Variants in SLC4A7 observed in about 807,000 individuals in gnomAD.
SLC4A7 encodes the protein solute carrier family 4 member 7, also known as sodium bicarbonate cotransporter 3.
In SLC4A7, 51 loss-of-function variants were observed where a neutral mutation model predicts 137.6. The observed-to-expected ratio is 0.37, with a 90% CI of 0.30 to 0.47. SLC4A7 has a LOEUF of 0.47. SLC4A7 is among the 20% of genes least tolerant of loss of function. The pLI is 1.00. For missense variants in SLC4A7, 1,247 were observed against 1,525.4 expected, an observed-to-expected ratio of 0.82 and a Z score of 3.04; for synonymous variants, 542 against 518.6, an observed-to-expected ratio of 1.05 and a Z score of -0.61.
chr3:27,421,574 T>C lies in SLC4A7; in HGVS notation c.1424+48A>G, dbSNP rs143216192. Reference sequence around the variant, plus strand: ...GTTCATTCGCTGGATTAAAAACTTGTAGATTTTGAAAATGCTTAGAGAATG... The same window carrying C: ...GTTCATTCGCTGGATTAAAAACTTGCAGATTTTGAAAATGCTTAGAGAATG... On this transcript the variant is annotated intron_variant, in intron 9 of 25. Transcript: ENST00000454389. 1.1e-4 allele frequency: 153 copies of C among 1,448,066 alleles called. 1 individual carries two copies. In the African/African-American group the frequency reaches 1.5e-3, roughly 14 times the overall value. The allele number at this position is 1,448,066 out of a possible 1,614,324, so 89.7% of individuals were successfully genotyped here.
chr3:27,470,874 G>A (rs182418633), intron 1 of SLC4A7, among the ~76,000 whole-genome samples: 4 of 152,174 alleles, frequency 2.6e-5, no homozygotes, highest in Non-Finnish European at 4.4e-5. Context: ...TCCAGTAGGC[G>A]GAGGTTGCAA....
intron 20 of SLC4A7, among the ~76,000 whole-genome samples, chr3:27,392,837 G>GA (rs531394829): frequency 7.6e-5 from 11 of 145,394 alleles, no homozygotes; most frequent in Admixed American, 2.0e-4. Flanking sequence ...AAAGAAAAAA[G>GA]AAAAAAAAAT....
chr3:27,389,160 A>C (rs2051277548), intron 22 of SLC4A7, among the ~76,000 whole-genome samples: 1 of 152,168 alleles, frequency 6.6e-6, no homozygotes, highest in South Asian at 2.1e-4. Context: ...TGAAGTGCAT[A>C]CACCTTCCTC....
intron 3 of SLC4A7, 119 bp from the exon 4 acceptor site, chr3:27,437,645 A>C (rs1443922962): frequency 6.4e-6 from 3 of 470,828 alleles, no homozygotes; most frequent in Non-Finnish European, 1.0e-5. Context: ...ATTTCATCAA[A>C]ACTCTCTTAA....
intron 2 of SLC4A7, among the ~76,000 whole-genome samples, chr3:27,449,529 T>G (rs1331463796): frequency 6.6e-6 from 1 of 152,018 alleles, no homozygotes; most frequent in Admixed American, 6.6e-5. Flanking sequence ...AAATAAAGGT[T>G]AGAAACTGTC....
intron 1 of SLC4A7, among the ~76,000 whole-genome samples, chr3:27,481,012 G>C (rs893815884): frequency 6.6e-6 from 1 of 152,088 alleles, no homozygotes; most frequent in Non-Finnish European, 1.5e-5. Flanking sequence ...CAAAATCATG[G>C]AAAAATATCA....
At chr3:27,459,496 T>C (rs2058580445) in intron 1 of SLC4A7, among the ~76,000 whole-genome samples, 1 of 152,220 alleles carries the variant, frequency 6.6e-6, no homozygotes, top group Admixed American at 6.5e-5. Flanking sequence ...ATTTTCAGTA[T>C]AATTTTATTT....
chr3:27,401,723 C>T lies in SLC4A7; in HGVS notation c.2322-854G>A, dbSNP rs564266601. ...ACACTCCTAACACAGTGCCTGCAGACGCTCATAGAATGTTGGCCAAATAAA... is the reference window on the plus strand; with the variant it reads ...ACACTCCTAACACAGTGCCTGCAGATGCTCATAGAATGTTGGCCAAATAAA... On this transcript the variant is annotated intron_variant, in intron 15 of 25. Transcript: ENST00000454389. 6.6e-5 allele frequency among the ~76,000 whole-genome samples: 10 copies of T among 152,180 alleles called. No individual in the cohort carries two copies. In the South Asian group the frequency reaches 1.5e-3, roughly 22 times the overall value.
chr3:27,377,011 C>T (rs909793566), intron 25 of SLC4A7, among the ~76,000 whole-genome samples, 166 bp from the exon 26 acceptor site: 2 of 151,956 alleles, frequency 1.3e-5, no homozygotes, highest in African/African-American at 4.8e-5. Context: ...ACTGGAAAAG[C>T]AAATATTAAA....
chr3:27,408,683 G>A (rs182060982), intron 13 of SLC4A7, among the ~76,000 whole-genome samples: 1 of 152,156 alleles, frequency 6.6e-6, no homozygotes, highest in Non-Finnish European at 1.5e-5. Context: ...CAACAACAAA[G>A]AAATGCCTTT....
chr3:27,458,782 G>C (rs2058545091), intron 1 of SLC4A7, among the ~76,000 whole-genome samples: 1 of 152,100 alleles, frequency 6.6e-6, no homozygotes, highest in Admixed American at 6.5e-5. Flanking sequence ...CCTGAGGTCA[G>C]GTTCAAGACC....
chr3:27,454,943 A>T (rs2058310456), intron 1 of SLC4A7, among the ~76,000 whole-genome samples: 1 of 151,962 alleles, frequency 6.6e-6, no homozygotes, highest in Non-Finnish European at 1.5e-5. Context: ...TTTAAAATAC[A>T]CATACCCTTT....
intron 1 of SLC4A7, among the ~76,000 whole-genome samples, chr3:27,460,797 C>T (rs929890939): frequency 2.6e-5 from 4 of 152,130 alleles, no homozygotes; most frequent in Non-Finnish European, 5.9e-5. Context: ...TGCGCCATGG[C>T]CTTTAAGAAT....
intron 11 of SLC4A7, among the ~76,000 whole-genome samples, chr3:27,413,297 A>G (rs2150233443): frequency 6.6e-6 from 1 of 152,312 alleles, no homozygotes; most frequent in African/African-American, 2.4e-5. Context: ...TGAAGTCTAC[A>G]TGACAAAAGA....
rs2059839812 is a variant in SLC4A7 at position 27,484,069 on chromosome 3, T to C, written c.58A>G (p.Arg20Gly). Residue 20 changes from arginine to glycine, a missense_variant and splice_region_variant, in exon 1 of 26, where the codon AGG (arginine) becomes GGG (glycine). Transcript: ENST00000454389. ...CCCCACCGCCGCGGCGCCCTCACCC[T>C]GCTCGTTACCCGGGTGAGTAGCGGT... The part of the protein sequence containing the change: ...MRPLLTRVTS[R>G]GPDEEAVVDL... 1.4e-6 allele frequency: 2 copies of C among 1,408,420 alleles called. No homozygotes were observed. Among genetic ancestry groups the C allele is most frequent in the Non-Finnish European group, 9.3e-7 (1 of 1,077,290 alleles). The allele number at this position is 1,408,420 out of a possible 1,614,324, so 87.2% of individuals were successfully genotyped here.
At chr3:27,401,000 G>C in intron 15 of SLC4A7, 131 bp from the exon 16 acceptor site, 1 of 531,820 alleles carries the variant, frequency 1.9e-6, no homozygotes, top group Non-Finnish European at 3.3e-6. Context: ...AGACTAGAAA[G>C]TGGAAAATAC....
At chr3:27,434,912 A>G (rs2056615312) in intron 5 of SLC4A7, among the ~76,000 whole-genome samples, 1 of 152,166 alleles carries the variant, frequency 6.6e-6, no homozygotes, top group Non-Finnish European at 1.5e-5. Context: ...AAACAAATGA[A>G]CACTAGATTA....
At chr3:27,390,435 T>A (rs1230587303) in intron 21 of SLC4A7, 1 of 183,728 alleles carries the variant, frequency 5.4e-6, no homozygotes, top group East Asian at 1.4e-4. Flanking sequence ...TCTCTTTGTT[T>A]TGTAATGTTC....
At chr3:27,463,590 C>T (rs756439411) in intron 1 of SLC4A7, among the ~76,000 whole-genome samples, 3 of 151,980 alleles carry the variant, frequency 2.0e-5, no homozygotes, top group African/African-American at 7.2e-5. Context: ...TGTATGTAAT[C>T]CTAGTGAGAC....
Sources: gnomAD v4.1 joint callset for allele counts (sites outside exome capture counted in the v4.1 genomes callset) on GRCh38, gnomAD v4.1.1 for gene constraint, MANE v1.5 for transcripts, NCBI Gene and HGNC (gene_info 2026-07-23, HGNC 2026-07-21) for gene names.